The following IFT27 variants were observed in gnomAD, a reference collection of about 807,000 sequenced individuals.
IFT27 encodes the protein intraflagellar transport 27, also known as intraflagellar transport protein 27 homolog.
Under a neutral mutation model 23.9 loss-of-function variants are expected in IFT27, and 19 were observed. The ratio of observed to expected loss-of-function variants is 0.79; its 90% CI spans 0.55 to 1.16. The LOEUF (loss-of-function observed/expected upper bound fraction) is 1.16, where lower values mean the gene tolerates loss of function less well. IFT27 is among the 50% of genes most tolerant of loss of function. The pLI, the probability that IFT27 is intolerant of heterozygous loss-of-function variation, is 0.00. For synonymous variants in IFT27, 91 were observed against 89.1 expected (o/e 1.02, Z -0.12); for missense variants, 206 against 228.7 (o/e 0.90, Z 0.64).
At chr22:36,767,398 G>A (rs1938281493) in intron 2 of IFT27, 33 bp from the exon 3 acceptor site, 1 of 1,597,164 alleles carries the variant, frequency 6.3e-7, no homozygotes, top group African/African-American at 1.3e-5. Context: ...TTAGCACTGA[G>A]GGCCCCCAAA....
At chr22:36,766,447 C>T in intron 3 of IFT27, 2 of 498,784 alleles carry the variant, frequency 4.0e-6, no homozygotes, top group East Asian at 3.4e-5. Flanking sequence ...AGTCTCACCT[C>T]TTGTAACCCT....
At chr22:36,774,010 A>G (rs939247317) in intron 1 of IFT27, among the ~76,000 whole-genome samples, 5 of 152,220 alleles carry the variant, frequency 3.3e-5, no homozygotes, top group Admixed American at 6.5e-5. Context: ...AAAAAAAAGT[A>G]ACTTCAGAAA....
At chr22:36,760,701 C>T (rs1050826259) in intron 6 of IFT27, 2 of 154,686 alleles carry the variant, frequency 1.3e-5, no homozygotes, top group Non-Finnish European at 2.9e-5. Context: ...GGGCAAGCTA[C>T]ACAACCTTTC....
intron 1 of IFT27, among the ~76,000 whole-genome samples, chr22:36,772,163 G>A (rs1288813594): frequency 1.3e-5 from 2 of 152,152 alleles, no homozygotes; most frequent in African/African-American, 2.4e-5. Context: ...TGTGGCTAAC[G>A]TGGATCGTTG....
At chr22:36,765,104 T>C (rs997087097) in intron 4 of IFT27, among the ~76,000 whole-genome samples, 4 of 152,164 alleles carry the variant, frequency 2.6e-5, no homozygotes, top group Non-Finnish European at 5.9e-5. Flanking sequence ...TGGACTAAAC[T>C]GATGAACCCT....
chr22:36,762,970 T>C lies in IFT27; in HGVS notation c.396A>G (p.Ala132=). The C allele has an allele frequency of 1.9e-6, 3 of 1,607,130 alleles. No individual in the cohort carries two copies. Among genetic ancestry groups the C allele is most frequent in the Non-Finnish European group, 2.6e-6 (3 of 1,176,020 alleles). Residue 132 remains alanine, a synonymous_variant, in exon 6 of 7, where the codon GCA becomes GCG. Transcript: ENST00000433985. ...GNKTDLAGRR[A]VDSAEARAWA... Reference sequence around the variant, plus strand: ...ATGCCCGGGCCTCAGCTGAGTCCACTGCTCGTCTGCCGGCCAGGTCTGTCT... The same window carrying C: ...ATGCCCGGGCCTCAGCTGAGTCCACCGCTCGTCTGCCGGCCAGGTCTGTCT...
chr22:36,770,908 C>A (rs1938372437), intron 1 of IFT27, among the ~76,000 whole-genome samples: 1 of 152,196 alleles, frequency 6.6e-6, no homozygotes. Context: ...TTAGGCTCTG[C>A]CAATGGGAGT....
rs1937986924 is a variant in IFT27, at chr22:36,758,347, G to C, written c.525C>G (p.Tyr175Ter). 6.2e-7 allele frequency: 1 copy of C among 1,614,174 alleles called. No individual in the cohort carries two copies. Among genetic ancestry groups the C allele is most frequent in the South Asian group, 1.1e-5 (1 of 91,084 alleles). ...CCCGGAAAACCTCCACCTTCTCCCG[G>C]TACAGCTGGTGGAACTGCTTGGCAA... Reference protein sequence around the residue: ...HCLAKQFHQLYREKVEVFRAL... With the variant: ...HCLAKQFHQL The change falls in exon 7 of 7, where the codon TAC (tyrosine) becomes TAG (stop). Residue 175 changes from tyrosine (Y) to a stop codon, truncating the protein, a stop_gained. Transcript: ENST00000433985. LOFTEE classifies it high-confidence loss of function.
chr22:36,766,886 T>C (rs1310695970), intron 3 of IFT27, among the ~76,000 whole-genome samples: 1 of 151,916 alleles, frequency 6.6e-6, no homozygotes, highest in African/African-American at 2.4e-5. Context: ...TGCATATTGG[T>C]TACCTGGGAA....
At chr22:36,763,526 G>T (rs1938154021) in intron 5 of IFT27, 1 of 345,634 alleles carries the variant, frequency 2.9e-6, no homozygotes, top group Non-Finnish European at 5.6e-6. Flanking sequence ...CTCACATAGG[G>T]ACGAAAAATA....
At chr22:36,758,612 C>T (rs899398249) in intron 6 of IFT27, 6 of 580,468 alleles carry the variant, frequency 1.0e-5, no homozygotes, top group Non-Finnish European at 1.9e-5. Flanking sequence ...ATGAAGGTAC[C>T]TTGCAGGAAG....
At chr22:36,767,614 A>G (rs1938287638) in intron 2 of IFT27, among the ~76,000 whole-genome samples, 169 bp downstream of exon 2, 1 of 152,154 alleles carries the variant, frequency 6.6e-6, no homozygotes, top group Admixed American at 6.5e-5. Flanking sequence ...TCTGCTCTGT[A>G]GCCAACCTCT....
intron 1 of IFT27, among the ~76,000 whole-genome samples, chr22:36,770,154 G>A (rs905251651): frequency 5.9e-5 from 9 of 152,216 alleles, no homozygotes; most frequent in African/African-American, 2.2e-4. Flanking sequence ...CAGGCAGGGC[G>A]CTGCAGGACA....
intron 4 of IFT27, among the ~76,000 whole-genome samples, chr22:36,764,971 T>TTCCCTC (rs1416814036): frequency 6.6e-6 from 1 of 152,196 alleles, no homozygotes; most frequent in African/African-American, 2.4e-5. Flanking sequence ...GAGAATCCTT[T>TTCCCTC]TCCCTCCAGA....
chr22:36,759,900 G>T (rs915195837), intron 6 of IFT27: 2 of 152,258 alleles, frequency 1.3e-5, no homozygotes, highest in East Asian at 1.9e-4. Context: ...GGCCAGCTGG[G>T]ATGTGCGAAG....
Position 36,775,656 on chromosome 22 carries a change from G to A in IFT27, c.34+18C>T. 1.9e-6 allele frequency: 3 copies of A among 1,613,888 alleles called. No homozygotes were observed. The highest frequency in any genetic ancestry group is 2.2e-5 in the East Asian group (1 of 44,886). On this transcript the variant is annotated intron_variant, in intron 1 of 6. Transcript: ENST00000433985. The stretch of plus-strand genomic sequence containing the variant: ...ACTCCAGAGACCACCGTATTCAAGC[G>A]CAAGTTTTCAGACTCACCTGCCAGG...
chr22:36,765,493 A>G (rs1938221221), intron 4 of IFT27, among the ~76,000 whole-genome samples: 1 of 144,638 alleles, frequency 6.9e-6, no homozygotes, highest in Non-Finnish European at 1.5e-5. Context: ...TCTCTTAGGC[A>G]ACAAAAAAAA....
At chr22:36,759,864 A>C (rs1938033875) in intron 6 of IFT27, 1 of 152,212 alleles carries the variant, frequency 6.6e-6, no homozygotes, top group Non-Finnish European at 1.5e-5. Context: ...AGATTCTCTG[A>C]TTTGGGAAGA....
chr22:36,765,568 G>A (rs549059130), intron 4 of IFT27, among the ~76,000 whole-genome samples: 1 of 152,328 alleles, frequency 6.6e-6, no homozygotes, highest in African/African-American at 2.4e-5. Flanking sequence ...GGGCTCTGGA[G>A]AACTCAAACC....
Sources: gnomAD v4.1 joint callset for allele counts (sites outside exome capture counted in the v4.1 genomes callset) on GRCh38, gnomAD v4.1.1 for gene constraint, MANE v1.5 for transcripts, NCBI Gene and HGNC (gene_info 2026-07-23, HGNC 2026-07-21) for gene names.